PLOD1: variants seen among roughly 807,000 people sequenced by gnomAD.
The protein encoded by PLOD1 is procollagen-lysine,2-oxoglutarate 5-dioxygenase 1.
PLOD1 carries 70 observed loss-of-function variants against 94.7 expected under a neutral mutation model. That is an observed-to-expected ratio of 0.74 (90% CI 0.61 to 0.90). The LOEUF is 0.90. PLOD1 is among the 40% of genes least tolerant of loss of function. The probability of loss-of-function intolerance (pLI) is 0.00; values close to 1 mark genes in which losing one functional copy is unlikely to be tolerated. For missense variants in PLOD1, 905 were observed against 972.7 expected, an observed-to-expected ratio of 0.93 and a Z score of 0.93; for synonymous variants, 417 against 400.2, an observed-to-expected ratio of 1.04 and a Z score of -0.50.
At chr1:11,948,335 G>A (rs2100742033) in intron 2 of PLOD1, among the ~76,000 whole-genome samples, 1 of 152,310 alleles carries the variant, frequency 6.6e-6, no homozygotes, top group Middle Eastern at 3.4e-3. Context: ...TGAGAGGCTA[G>A]TTTAGAGGAC....
chr1:11,961,757 G>A (rs1645779158), intron 10 of PLOD1, among the ~76,000 whole-genome samples: 1 of 152,048 alleles, frequency 6.6e-6, no homozygotes, highest in Admixed American at 6.6e-5. Context: ...CTACAGGCAT[G>A]TGCCATCACA....
intron 16 of PLOD1, among the ~76,000 whole-genome samples, chr1:11,968,598 C>T (rs11121845): frequency 0.5 from 75,694 of 150,046 alleles, 19,672 homozygotes; most frequent in South Asian, 0.63. Flanking sequence ...ACTGCAACCT[C>T]CGCCTCCCAG....
chr1:11,964,508 T>C (rs1645801724), intron 12 of PLOD1, 136 bp from the exon 13 acceptor site: 15 of 950,892 alleles, frequency 1.6e-5, no homozygotes, highest in Non-Finnish European at 2.2e-5. Flanking sequence ...ATCAGCACAA[T>C]TGTGCCCCCC....
At chr1:11,937,860 T>A (rs1188949911) in intron 1 of PLOD1, among the ~76,000 whole-genome samples, 1 of 151,412 alleles carries the variant, frequency 6.6e-6, no homozygotes, top group African/African-American at 2.4e-5. Context: ...GGGGCTAATG[T>A]CAGGCCAGTC....
Position 11,957,254 on chromosome 1 carries a change from T to C in PLOD1, c.741+240T>C. 1 of 716,432 alleles carries C rather than the reference T, an allele frequency of 1.4e-6. No homozygotes were observed. The highest frequency in any genetic ancestry group is 1.4e-5 in the South Asian group (1 of 73,224). The allele number at this position is 716,432 out of a possible 1,614,324, so 44.4% of individuals were successfully genotyped here. On this transcript the variant is annotated intron_variant, in intron 7 of 18. Transcript: ENST00000196061. The surrounding 1 kb of genome is among the most constrained non-coding windows in gnomAD (Gnocchi z 4.1). ...GACACGTAGGAGGCTGCCATCCCCT[T>C]CCAGGCCTAGGCTGGGCTACCAGAG...
chr1:11,969,610 C>T (rs116689639), intron 16 of PLOD1, among the ~76,000 whole-genome samples: 3,439 of 152,272 alleles, frequency 0.023, 115 homozygotes, highest in African/African-American at 0.069. Flanking sequence ...AGAATAACAC[C>T]CGTGTGTTAT....
In PLOD1 at chr1:11,975,391, C is replaced by G. The variant is rs191227335; in HGVS notation, c.*583C>G. 5.5e-6 allele frequency: 1 copy of G among 183,054 alleles called. No homozygotes were observed. The highest frequency in any genetic ancestry group is 2.4e-5 in the African/African-American group (1 of 42,382). The allele number at this position is 183,054 out of a possible 1,614,324, so 11.3% of individuals were successfully genotyped here. Reference sequence around the variant, plus strand: ...ACCTCTTGGGAGACAGAAGAGGCATCTGTGCACAGCTCGATCTTCTACTTG... The same window carrying G: ...ACCTCTTGGGAGACAGAAGAGGCATGTGTGCACAGCTCGATCTTCTACTTG... On this transcript the variant is annotated 3_prime_UTR_variant, in exon 19 of 19. Transcript: ENST00000196061.
rs1645798654 is a variant in PLOD1, at chr1:11,964,121, G to A, written c.1203-54G>A. On this transcript the variant is annotated intron_variant, in intron 11 of 18. Transcript: ENST00000196061. ...CCTCCCCCCATCCCTGGTTAGTGCT[G>A]TCTCCTACTCCCAGTGGGCAGCGAC... is the stretch of plus-strand genomic sequence containing the variant. 8 of 1,594,160 alleles carry A rather than the reference G, an allele frequency of 5.0e-6. No homozygotes were observed. In the South Asian group the frequency reaches 6.6e-5, roughly 13 times the overall value.
chr1:11,935,628 CTT>C (rs756545321), intron 1 of PLOD1, among the ~76,000 whole-genome samples: 7 of 140,462 alleles, frequency 5.0e-5, no homozygotes, highest in East Asian at 2.1e-4. Flanking sequence ...AAAAGCAATT[CTT>C]TTTTTTTTTT....
chr1:11,938,548 G>A (rs1480987254), intron 1 of PLOD1, among the ~76,000 whole-genome samples: 1 of 152,206 alleles, frequency 6.6e-6, no homozygotes, highest in Non-Finnish European at 1.5e-5. Flanking sequence ...GGTCTTGCCT[G>A]AGCATCCCAC....
In PLOD1 at chr1:11,963,725, C is replaced by T; in HGVS notation, c.1202+89C>T. 1.3e-6 allele frequency: 1 copy of T among 764,650 alleles called. No individual in the cohort carries two copies. The allele number at this position is 764,650 out of a possible 1,614,324, so 47.4% of individuals were successfully genotyped here. A position where few individuals can be genotyped will look rare whatever the true frequency, so the allele number is the denominator to read the frequency against. ...TCCTTGCCTTCCTCCTCCTCCTCCT[C>T]ATCCACCTCCTCTTCCTCCTCTTTT... On this transcript the variant is annotated intron_variant, in intron 11 of 18. Coordinates refer to ENST00000196061, the MANE Select transcript of PLOD1 (RefSeq NM_000302.4). This position sits in a 1 kb window ranked among gnomAD's most constrained non-coding sequence, Gnocchi z 4.3.
At position 11,965,918 on chromosome 1, in the gene PLOD1, G is replaced by T. The variant is rs1487643055; in HGVS notation, c.1584+325G>T. Among the ~76,000 whole-genome samples, 4 of 152,192 alleles carry T rather than the reference G, an allele frequency of 2.6e-5. No individual in the cohort carries two copies. In the East Asian group the frequency reaches 7.7e-4, roughly 29 times the overall value. On this transcript the variant is annotated intron_variant, in intron 14 of 18. Transcript: ENST00000196061. ...GCTCCAAAATGGGTATACTGTCCCA[G>T]CCTGTCTTACCCATGAGGGTGTTGT... is the stretch of plus-strand genomic sequence containing the variant.
chr1:11,971,398 C>A (rs1045485693), intron 17 of PLOD1: 5 of 187,660 alleles, frequency 2.7e-5, no homozygotes, highest in African/African-American at 1.2e-4. Flanking sequence ...ACACCCCCTC[C>A]ATCTAGTAGC....
At chr1:11,950,580 G>T in intron 4 of PLOD1, 60 bp downstream of exon 4, 1 of 1,525,302 alleles carries the variant, frequency 6.6e-7, no homozygotes. Context: ...CTGCCTTTGT[G>T]GGGACCCCCC....
At chr1:11,965,237 C>T (rs1269939691) in intron 13 of PLOD1, among the ~76,000 whole-genome samples, 1 of 151,770 alleles carries the variant, frequency 6.6e-6, no homozygotes, top group Non-Finnish European at 1.5e-5. Flanking sequence ...TTTTCTTTTA[C>T]GCATTTTTTC....
At chr1:11,944,702 C>A in intron 1 of PLOD1, 1 of 1,260,260 alleles carries the variant, frequency 7.9e-7, no homozygotes. Context: ...CTGGTGTATC[C>A]ACCCCCTCCT....
intron 12 of PLOD1, 28 bp from the exon 13 acceptor site, chr1:11,964,616 C>G: frequency 6.2e-7 from 1 of 1,612,608 alleles, no homozygotes; most frequent in Non-Finnish European, 8.5e-7. Context: ...AGCCTCTGAC[C>G]CCCACCCGCT....
At chr1:11,970,485 G>T (rs1645853713) in intron 16 of PLOD1, among the ~76,000 whole-genome samples, 185 bp from the exon 17 acceptor site, 1 of 152,088 alleles carries the variant, frequency 6.6e-6, no homozygotes, top group Non-Finnish European at 1.5e-5. Flanking sequence ...GGCCCCCCCA[G>T]GATAATCTCC....
chr1:11,959,279 C>T (rs1418215870), intron 9 of PLOD1, among the ~76,000 whole-genome samples: 1 of 151,864 alleles, frequency 6.6e-6, no homozygotes, highest in Non-Finnish European at 1.5e-5. Flanking sequence ...CACAGAATTG[C>T]TGCAAGGGCT....
Sources: gnomAD v4.1 joint callset for allele counts (sites outside exome capture counted in the v4.1 genomes callset) on GRCh38, gnomAD v4.1.1 for gene constraint, Gnocchi (gnomAD v3.1) non-coding constraint, MANE v1.5 for transcripts, NCBI Gene and HGNC (gene_info 2026-07-23, HGNC 2026-07-21) for gene names.